Variants in SLC14A2 observed in about 807,000 individuals in gnomAD.
SLC14A2 encodes solute carrier family 14 member 2.
In SLC14A2, 91 loss-of-function variants were observed where a neutral mutation model predicts 104.6. That is an observed-to-expected ratio of 0.87 (90% CI 0.73 to 1.04). The LOEUF is 1.04. Ranked by LOEUF, SLC14A2 falls within the 50% of genes least tolerant of loss-of-function variation. The pLI, the probability that SLC14A2 is intolerant of heterozygous loss-of-function variation, is 0.00. For missense variants in SLC14A2, 1,189 were observed against 1,156.0 expected, an observed-to-expected ratio of 1.03 and a Z score of -0.41; for synonymous variants, 476 against 466.4, an observed-to-expected ratio of 1.02 and a Z score of -0.27.
At chr18:45,194,665 A>C in the SLC14A2 span, among the ~76,000 whole-genome samples, 1 of 9,010 alleles carries the variant, frequency 1.1e-4, no homozygotes, top group African/African-American at 3.4e-4. Context: ...TTTTTTTTTG[A>C]GACGGTGTCT....
Position 45,639,911 on chromosome 18 carries a change from C to G in SLC14A2, c.991+18C>G. 1 of 1,609,332 alleles carries G rather than the reference C, an allele frequency of 6.2e-7. No homozygotes were observed. The highest frequency in any genetic ancestry group is 2.2e-5 in the East Asian group (1 of 44,806). On this transcript the variant is annotated intron_variant, in intron 7 of 19. Transcript: ENST00000255226. ...GCTAGCAGGTAGGACAGAGCTCCCTCTCTTCAGGTCCTCAGGATAATTCAC... is the reference window on the plus strand; with the variant it reads ...GCTAGCAGGTAGGACAGAGCTCCCTGTCTTCAGGTCCTCAGGATAATTCAC...
chr18:45,311,599 T>G (rs970542065), intron 1 of SLC14A2, among the ~76,000 whole-genome samples: 18 of 152,204 alleles, frequency 1.2e-4, no homozygotes, highest in Admixed American at 2.6e-4. Flanking sequence ...AATATTCAAA[T>G]GCCTGGCCCC....
chr18:45,179,352 C>T, the SLC14A2 span, among the ~76,000 whole-genome samples: 1 of 152,188 alleles, frequency 6.6e-6, no homozygotes, highest in Non-Finnish European at 1.5e-5. Flanking sequence ...CATTTCTCTC[C>T]TCTCTCCCAC....
At chr18:45,307,933 G>A (rs1344706538) in intron 1 of SLC14A2, among the ~76,000 whole-genome samples, 1 of 152,184 alleles carries the variant, frequency 6.6e-6, no homozygotes, top group Non-Finnish European at 1.5e-5. Flanking sequence ...TCTGCTTCTG[G>A]TGAGGACCTC....
chr18:45,328,711 A>G (rs1173925623), intron 1 of SLC14A2, among the ~76,000 whole-genome samples: 1 of 152,220 alleles, frequency 6.6e-6, no homozygotes, highest in African/African-American at 2.4e-5. Context: ...AACACTAAAG[A>G]TGGGAGCTCC....
intron 1 of SLC14A2, among the ~76,000 whole-genome samples, chr18:45,363,873 C>A (rs2085640061): frequency 6.6e-6 from 1 of 152,112 alleles, no homozygotes; most frequent in South Asian, 2.1e-4. Context: ...TCTCCTTTAA[C>A]AGATGAGAGG....
At chr18:45,404,780 C>A (rs916850485) in intron 1 of SLC14A2, among the ~76,000 whole-genome samples, 3 of 152,312 alleles carry the variant, frequency 2.0e-5, no homozygotes, top group Admixed American at 1.3e-4. Context: ...CCTCTTTATG[C>A]TTTAACCAGT....
chr18:45,168,506 C>CA, the SLC14A2 span: 314 of 151,744 alleles, frequency 2.1e-3, 2 homozygotes, highest in African/African-American at 6.6e-3. Flanking sequence ...AATTCAACCA[C>CA]AAAAAAGAGT....
At chr18:45,325,372 T>G (rs926268394) in intron 1 of SLC14A2, among the ~76,000 whole-genome samples, 8 of 152,166 alleles carry the variant, frequency 5.3e-5, no homozygotes, top group African/African-American at 1.9e-4. Flanking sequence ...AATGGATATA[T>G]TCATAAGACT....
intron 2 of SLC14A2, among the ~76,000 whole-genome samples, chr18:45,552,237 C>T (rs1161592108): frequency 2.6e-5 from 4 of 152,178 alleles, no homozygotes; most frequent in Non-Finnish European, 4.4e-5. Context: ...GAAAGGACAA[C>T]AAGGGACATG....
chr18:45,256,801 GA>G (rs905818136), intron 1 of SLC14A2, among the ~76,000 whole-genome samples: 2 of 152,204 alleles, frequency 1.3e-5, no homozygotes, highest in Non-Finnish European at 2.9e-5. Context: ...GAAAGAAAGG[GA>G]AAAGGGGCAA....
chr18:45,486,103 G>A (rs539436277), intron 2 of SLC14A2, among the ~76,000 whole-genome samples: 1 of 152,288 alleles, frequency 6.6e-6, no homozygotes, highest in Non-Finnish European at 1.5e-5. Flanking sequence ...CTAGATAAGT[G>A]TGGAAGAAAG....
intron 16 of SLC14A2, among the ~76,000 whole-genome samples, chr18:45,669,837 T>C (rs1056084891): frequency 6.6e-6 from 1 of 152,228 alleles, no homozygotes; most frequent in African/African-American, 2.4e-5. Context: ...GTTTAAAAAG[T>C]CTTTTTGAGG....
chr18:45,472,336 C>T (rs561546465), intron 1 of SLC14A2, among the ~76,000 whole-genome samples: 4 of 152,194 alleles, frequency 2.6e-5, no homozygotes, highest in African/African-American at 9.6e-5. Flanking sequence ...GCAGTAAATA[C>T]ACGTATGCAT....
chr18:45,401,398 G>C (rs988846107), intron 1 of SLC14A2, among the ~76,000 whole-genome samples: 1 of 152,142 alleles, frequency 6.6e-6, no homozygotes, highest in African/African-American at 2.4e-5. Flanking sequence ...TAATGAATCT[G>C]AAAGATAACA....
chr18:45,311,601 C>A (rs1013286233), intron 1 of SLC14A2, among the ~76,000 whole-genome samples: 1 of 152,160 alleles, frequency 6.6e-6, no homozygotes, highest in Non-Finnish European at 1.5e-5. Flanking sequence ...TATTCAAATG[C>A]CTGGCCCCAC....
intron 10 of SLC14A2, among the ~76,000 whole-genome samples, chr18:45,645,622 T>TATATATATATAC (rs370081713): frequency 7.4e-6 from 1 of 134,862 alleles, no homozygotes; most frequent in Non-Finnish European, 1.6e-5. Context: ...AATATATATA[T>TATATATATATAC]ACATATACAA....
chr18:45,614,245 G>A (rs2045022663), upstream of SLC14A2, among the ~76,000 whole-genome samples: 1 of 152,224 alleles, frequency 6.6e-6, no homozygotes, highest in African/African-American at 2.4e-5. Flanking sequence ...ATTGAGGTTT[G>A]GGAACCTCCA....
At chr18:45,447,929 A>C (rs896584138) in intron 1 of SLC14A2, among the ~76,000 whole-genome samples, 1 of 152,234 alleles carries the variant, frequency 6.6e-6, no homozygotes, top group Non-Finnish European at 1.5e-5. Context: ...AGTGTAATTA[A>C]AGTATTTATT....
Sources: allele counts gnomAD v4.1 joint callset (sites outside exome capture counted in the v4.1 genomes callset), GRCh38; gene constraint gnomAD v4.1.1; transcripts MANE v1.5; gene names NCBI Gene and HGNC (gene_info 2026-07-23, HGNC 2026-07-21).